The following LYST variants were observed in gnomAD, a reference collection of about 807,000 sequenced individuals.
The protein encoded by LYST is lysosomal trafficking regulator.
Under a neutral mutation model 413.6 loss-of-function variants are expected in LYST, and 192 were observed. The ratio of observed to expected loss-of-function variants is 0.46; its 90% CI spans 0.41 to 0.52. The LOEUF (loss-of-function observed/expected upper bound fraction) is 0.52, where lower values mean the gene tolerates loss of function less well. Ranked by LOEUF, LYST falls within the 20% of genes least tolerant of loss-of-function variation. The probability of loss-of-function intolerance (pLI) is 0.00; values close to 1 mark genes in which losing one functional copy is unlikely to be tolerated. For missense variants in LYST, 3,815 were observed against 4,499.9 expected (o/e 0.85, Z 4.35); for synonymous variants, 1,525 against 1,567.3 (o/e 0.97, Z 0.64).
Position 235,809,639 on chromosome 1 carries a change from C to G in LYST, c.1179G>C (p.Lys393Asn), listed in dbSNP as rs755742104. The change falls in exon 5 of 53, where the codon AAG becomes AAC. Residue 393 changes from lysine (K) to asparagine (N), a missense_variant. By Grantham distance (94) the Lys-to-Asn change is moderately conservative. Coordinates refer to ENST00000389793, the MANE Select transcript of LYST (RefSeq NM_000081.4). This position sits in a 1 kb window ranked among gnomAD's most constrained non-coding sequence, Gnocchi z 4.0. ...QEVQEDFVFS[K>N]YRHRALLLPE... is the part of the protein sequence containing the mutation. ...GTAAAAGAAGGGCTCTATGACGATA[C>G]TTTGAAAACACAAAATCTTCCTGAA... The G allele has an allele frequency of 2.5e-6, 4 of 1,614,114 alleles. No homozygotes were observed. Among genetic ancestry groups the G allele is most frequent in the Non-Finnish European group, 3.4e-6 (4 of 1,179,994 alleles).
rs1673612271 is a variant in LYST, at chr1:235,812,902, T to C, written c.283+69A>G. The C allele has an allele frequency of 1.7e-5, 15 of 892,552 alleles. No homozygotes were observed. The East Asian group carries it at 3.5e-4, about 21-fold the overall frequency. The allele number at this position is 892,552 out of a possible 1,614,324, so 55.3% of individuals were successfully genotyped here. A position where few individuals can be genotyped will look rare whatever the true frequency, so the allele number is the denominator to read the frequency against. On this transcript the variant is annotated intron_variant, in intron 4 of 52. Coordinates refer to ENST00000389793, the MANE Select transcript of LYST (RefSeq NM_000081.4). ...TCTGAATCTGAATCAGAATCAAACA[T>C]TCAGGCAGAAGTAACTTTTCTATGA...
At position 235,741,553 on chromosome 1, in the gene LYST, G is replaced by T; in HGVS notation, c.8227C>A (p.Gln2743Lys). 1.2e-6 allele frequency: 2 copies of T among 1,614,048 alleles called. No individual in the cohort carries two copies. The highest frequency in any genetic ancestry group is 8.5e-7 in the Non-Finnish European group (1 of 1,179,952). ...LWSCKETFRM[Q>K]LGRLLVHILS... ...ATATGCACTAGTAGTCTCCCAAGCT[G>T]CATTCGGAAGGTCTCCTTACAAGAC... The change falls in exon 31 of 53, where the codon CAG becomes AAG. Residue 2743 changes from glutamine (Q) to lysine (K), a missense_variant. Around this residue, in one of 4 missense-constraint regions of LYST, gnomAD observed 771 missense variants for 837.1 expected, o/e 0.92. Coordinates refer to ENST00000389793, the MANE Select transcript of LYST (RefSeq NM_000081.4).
chr1:235,663,467 A>G (rs1168517483), intron 52 of LYST, among the ~76,000 whole-genome samples: 1 of 152,216 alleles, frequency 6.6e-6, no homozygotes, highest in Non-Finnish European at 1.5e-5. Context: ...ATGGCTATAT[A>G]TTATTTCCCT....
At position 235,876,146 on chromosome 1, in the gene LYST, T is replaced by C. The variant is rs559874624; in HGVS notation, n.454+7041A>G. On this transcript the variant is annotated intron_variant and non_coding_transcript_variant, in intron 1 of 11. Transcript: ENST00000465349. ...CTGAGGTGAGAGGATCACTTGAACCTGGGAGGGAGAGGTTGCAGTGAGCCG... is the reference window on the plus strand; with the variant it reads ...CTGAGGTGAGAGGATCACTTGAACCCGGGAGGGAGAGGTTGCAGTGAGCCG... 1.3e-4 allele frequency among the ~76,000 whole-genome samples: 20 copies of C among 152,126 alleles called. 1 individual carries two copies. In the South Asian group the frequency reaches 3.5e-3, roughly 27 times the overall value.
chr1:235,842,187 T>C (rs1333126719), intron 1 of LYST, among the ~76,000 whole-genome samples: 2 of 151,916 alleles, frequency 1.3e-5, no homozygotes, highest in African/African-American at 2.4e-5. Flanking sequence ...ACAGTCCTTA[T>C]GGCCAAAAAT....
intron 50 of LYST, among the ~76,000 whole-genome samples, chr1:235,676,199 C>T (rs1439638387): frequency 6.6e-6 from 1 of 152,196 alleles, no homozygotes; most frequent in Non-Finnish European, 1.5e-5. Flanking sequence ...CTTCCATTTA[C>T]TATTCTATAC....
chr1:235,789,878 A>G (rs548248737), intron 12 of LYST, among the ~76,000 whole-genome samples: 1 of 152,308 alleles, frequency 6.6e-6, no homozygotes, highest in South Asian at 2.1e-4. Flanking sequence ...GAGTAGTAAT[A>G]TTACAAATAT....
intron 3 of LYST, among the ~76,000 whole-genome samples, chr1:235,826,378 A>T (rs1429218613): frequency 6.6e-6 from 1 of 152,254 alleles, no homozygotes; most frequent in Non-Finnish European, 1.5e-5. Context: ...AGCTCAAAAG[A>T]TTAAACAGCA....
At chr1:235,859,497 C>A (rs1330510154) in intron 1 of LYST, among the ~76,000 whole-genome samples, 2 of 122,392 alleles carry the variant, frequency 1.6e-5, no homozygotes, top group African/African-American at 8.7e-5. Context: ...TCCTGAGCAC[C>A]AGGCCTTTTT....
At chr1:235,764,785 G>A (rs1016435837) in intron 21 of LYST, among the ~76,000 whole-genome samples, 4 of 151,976 alleles carry the variant, frequency 2.6e-5, no homozygotes, top group Non-Finnish European at 5.9e-5. Context: ...TTACAGGCGT[G>A]AGCCACCGTG....
At chr1:235,772,553 T>A (rs1289369591) in intron 19 of LYST, among the ~76,000 whole-genome samples, 1 of 152,166 alleles carries the variant, frequency 6.6e-6, no homozygotes, top group Non-Finnish European at 1.5e-5. Context: ...AACAACCCTA[T>A]ACTCATTCCC....
rs375145903 is a variant in LYST, at chr1:235,700,658, G to A, written c.10374+2089C>T. On this transcript the variant is annotated intron_variant, in intron 45 of 52. Transcript: ENST00000389793. ...CAGAGTCAAGAAGCAGTATGGTGTC[G>A]AAAGTTTCACCGTGGTTCAAATAAA... 3.9e-5 allele frequency among the ~76,000 whole-genome samples: 6 copies of A among 152,298 alleles called. No homozygotes were observed. In the South Asian group the frequency reaches 6.2e-4, roughly 16 times the overall value.
rs764957880 is a variant in LYST, at chr1:235,773,837, C to G, written c.5784+5G>C. 1 of 1,610,244 alleles carries G rather than the reference C, an allele frequency of 6.2e-7. No individual in the cohort carries two copies. Among genetic ancestry groups the G allele is most frequent in the East Asian group, 2.2e-5 (1 of 44,674 alleles). Reference sequence around the variant, plus strand: ...AAAAATGGAAAAAAAGTACATATTACATGCCTCTGCTTTACTCCATATCTT... The same window carrying G: ...AAAAATGGAAAAAAAGTACATATTAGATGCCTCTGCTTTACTCCATATCTT... On this transcript the variant is annotated splice_donor_5th_base_variant and intron_variant, in intron 19 of 52. Transcript: ENST00000389793.
intron 30 of LYST, 36 bp downstream of exon 30, chr1:235,743,943 G>A (rs541787602): frequency 2.7e-6 from 3 of 1,106,088 alleles, no homozygotes; most frequent in East Asian, 2.4e-5. Flanking sequence ...TTTCCTTTGT[G>A]TGAATGAACA....
chr1:235,812,871 T>C (rs902784266), intron 4 of LYST, 100 bp downstream of exon 4: 10 of 755,508 alleles, frequency 1.3e-5, no homozygotes, highest in African/African-American at 3.5e-5. Context: ...CAATAACATA[T>C]AGTGTTCTGA....
rs1426709984 is a variant in LYST at position 235,697,408 on chromosome 1, C to T, written c.10375-136G>A. ...CTGTAAGGGCAATAATTATTTTACG[C>T]ATTTTTTTTTACTTCCCCATGCTTA... On this transcript the variant is annotated intron_variant, in intron 45 of 52. Transcript: ENST00000389793. 1.6e-5 allele frequency: 11 copies of T among 671,362 alleles called. No individual in the cohort carries two copies. The Admixed American group carries it at 3.3e-4, about 20-fold the overall frequency. 41.6% of individuals were successfully genotyped at this position (671,362 alleles called of 1,614,324 possible). A position where few individuals can be genotyped will look rare whatever the true frequency, so the allele number is the denominator to read the frequency against.
chr1:235,828,170 T>A, intron 3 of LYST: 1 of 964,698 alleles, frequency 1.0e-6, no homozygotes, highest in Non-Finnish European at 1.2e-6. Flanking sequence ...ATTATTTCAG[T>A]CATTTAGTAA....
At chr1:235,688,104 T>C (rs575770149) in intron 47 of LYST, among the ~76,000 whole-genome samples, 39 of 152,354 alleles carry the variant, frequency 2.6e-4, no homozygotes, top group African/African-American at 9.1e-4. Flanking sequence ...TTTTATTCTT[T>C]CTTGGAGGTC....
chr1:235,762,825 G>A lies in LYST; in HGVS notation c.6148C>T (p.Arg2050Trp), dbSNP rs773494262. 6.8e-6 allele frequency: 11 copies of A among 1,613,094 alleles called. No homozygotes were observed. Among genetic ancestry groups the A allele is most frequent in the South Asian group, 2.2e-5 (2 of 91,060 alleles). The stretch of plus-strand genomic sequence containing the variant: ...GAATGCCTCAGGTACATGATTGACC[G>A]CACTTTCTCCTGAAAGATCTTGCCA... ...IDGKIFQEKVRSIMYLRHSSS... is the reference protein window; with the variant it reads ...IDGKIFQEKVWSIMYLRHSSS... Residue 2050 changes from arginine (R) to tryptophan (W), a missense_variant, in exon 22 of 53, where the codon CGG becomes TGG. Coordinates refer to ENST00000389793, the MANE Select transcript of LYST (RefSeq NM_000081.4).
Sources: gnomAD v4.1 joint callset for allele counts (sites outside exome capture counted in the v4.1 genomes callset) on GRCh38, gnomAD v4.1.1 for gene constraint, gnomAD v4.1.1 regional missense constraint, Gnocchi (gnomAD v3.1) non-coding constraint, MANE v1.5 for transcripts, NCBI Gene and HGNC (gene_info 2026-07-23, HGNC 2026-07-21) for gene names.